The following ETV1 variants were observed in gnomAD, a reference collection of about 807,000 sequenced individuals.
ETV1 encodes ETS variant transcription factor 1, also known as ETS translocation variant 1.
Under a neutral mutation model 62.3 loss-of-function variants are expected in ETV1, and 27 were observed. The observed-to-expected ratio is 0.43, with a 90% CI of 0.32 to 0.60. The LOEUF is 0.60. Ranked by LOEUF, ETV1 falls within the 20% of genes least tolerant of loss-of-function variation. The pLI is 0.06. For missense variants in ETV1, 605 were observed against 605.8 expected, an observed-to-expected ratio of 1.00 and a Z score of 0.01; for synonymous variants, 222 against 199.6, an observed-to-expected ratio of 1.11 and a Z score of -0.94.
intron 6 of ETV1, among the ~76,000 whole-genome samples, chr7:13,956,294 A>G (rs1375532306): frequency 6.6e-6 from 1 of 151,974 alleles, no homozygotes; most frequent in Non-Finnish European, 1.5e-5. Context: ...AGTTGTTGAT[A>G]CAACCTCCCA....
chr7:13,950,635 C>A (rs1036831526), intron 6 of ETV1, among the ~76,000 whole-genome samples: 1 of 151,974 alleles, frequency 6.6e-6, no homozygotes, highest in African/African-American at 2.4e-5. Context: ...TTGGAGAATA[C>A]CATAACATCT....
At chr7:13,989,679 T>C (rs367619067), upstream of ETV1, 4 of 398,732 alleles carry the variant, frequency 1.0e-5, no homozygotes, top group Admixed American at 1.8e-4. Flanking sequence ...CAGAGCTCAA[T>C]TCGGTGGTTT....
chr7:13,989,798 G>C, upstream of ETV1: 1 of 392,046 alleles, frequency 2.6e-6, no homozygotes, highest in Admixed American at 4.4e-5. Flanking sequence ...CAATCAGGCG[G>C]CTTGCTGCCC....
chr7:13,940,345 G>C (rs1202550371), intron 6 of ETV1, among the ~76,000 whole-genome samples: 1 of 145,920 alleles, frequency 6.9e-6, no homozygotes, highest in Non-Finnish European at 1.5e-5. Flanking sequence ...CTGGGCAACA[G>C]AGCGAGACTC....
chr7:13,947,006 G>A (rs540651157), intron 6 of ETV1, among the ~76,000 whole-genome samples: 2 of 152,134 alleles, frequency 1.3e-5, no homozygotes, highest in Non-Finnish European at 2.9e-5. Context: ...GGCCAGGCTG[G>A]TCTCAAACTC....
intron 11 of ETV1, among the ~76,000 whole-genome samples, chr7:13,907,235 G>A (rs181637804): frequency 2.6e-5 from 4 of 151,974 alleles, no homozygotes; most frequent in African/African-American, 4.8e-5. Context: ...TTCCTTCACC[G>A]CATCATATAC....
intron 9 of ETV1, among the ~76,000 whole-genome samples, chr7:13,921,451 C>T (rs1784841595): frequency 6.6e-6 from 1 of 152,144 alleles, no homozygotes; most frequent in Non-Finnish European, 1.5e-5. Context: ...GCCATTTGTA[C>T]TTTGTTCCTT....
At chr7:13,953,599 T>G (rs1789069627) in intron 6 of ETV1, among the ~76,000 whole-genome samples, 1 of 151,588 alleles carries the variant, frequency 6.6e-6, no homozygotes, top group South Asian at 2.1e-4. Flanking sequence ...CTGCAGAATG[T>G]GCAGACACCA....
At chr7:13,941,623 C>A (rs1787513867) in intron 6 of ETV1, among the ~76,000 whole-genome samples, 1 of 152,122 alleles carries the variant, frequency 6.6e-6, no homozygotes. Flanking sequence ...GTAATCCCAG[C>A]TCTTTGGGAG....
chr7:13,967,678 A>G (rs192383765), intron 6 of ETV1, among the ~76,000 whole-genome samples: 1 of 152,234 alleles, frequency 6.6e-6, no homozygotes. Context: ...TCTTAAATAC[A>G]TGTTTATTAT....
At chr7:13,917,994 G>A (rs1049666935) in intron 9 of ETV1, among the ~76,000 whole-genome samples, 2 of 151,864 alleles carry the variant, frequency 1.3e-5, no homozygotes, top group African/African-American at 4.8e-5. Context: ...AAGAAAGTAT[G>A]ATACAGGATG....
intron 6 of ETV1, among the ~76,000 whole-genome samples, chr7:13,946,561 C>T (rs1788184679): frequency 6.6e-6 from 1 of 152,136 alleles, no homozygotes; most frequent in Non-Finnish European, 1.5e-5. Flanking sequence ...AACTATGACA[C>T]ATCATTGCTT....
At chr7:13,899,558 T>C (rs758840254) in intron 13 of ETV1, among the ~76,000 whole-genome samples, 1 of 152,152 alleles carries the variant, frequency 6.6e-6, no homozygotes, top group Non-Finnish European at 1.5e-5. Context: ...AAAACTATGG[T>C]GACATAAAAA....
At chr7:13,986,105 T>C (rs1199979337) in intron 5 of ETV1, 7 of 1,565,962 alleles carry the variant, frequency 4.5e-6, no homozygotes, top group African/African-American at 1.4e-5. Context: ...TCCTAAGCAT[T>C]AGATACACAC....
Position 13,931,587 on chromosome 7 carries a change from G to A in ETV1, c.717C>T (p.Asn239=). 6.2e-7 allele frequency: 1 copy of A among 1,614,060 alleles called. No homozygotes were observed. The highest frequency in any genetic ancestry group is 8.5e-7 in the Non-Finnish European group (1 of 1,179,904). Residue 239 remains asparagine (N), a synonymous_variant, in exon 9 of 14, where the codon AAC becomes AAT. Coordinates refer to ENST00000430479, the MANE Select transcript of ETV1 (RefSeq NM_004956.5). ...QEYHDPVYEH[N]TMVGSAASQS... ...GGCTGGCCGCACTGCCAACCATGGT[G>A]TTGTGTTCATACACTGGGTCGTGGT...
chr7:13,911,393 A>G, intron 9 of ETV1, 86 bp from the exon 10 acceptor site: 1 of 834,346 alleles, frequency 1.2e-6, no homozygotes, highest in Non-Finnish European at 2.0e-6. Context: ...CAGAGAAGAT[A>G]CAGAAACGGA....
intron 6 of ETV1, among the ~76,000 whole-genome samples, chr7:13,952,106 G>A: frequency 6.6e-6 from 1 of 152,162 alleles, no homozygotes; most frequent in East Asian, 1.9e-4. Flanking sequence ...TATCCCGACA[G>A]AAGGAAAAAG....
At chr7:13,898,307 C>T (rs944354022) in intron 13 of ETV1, among the ~76,000 whole-genome samples, 4 of 152,132 alleles carry the variant, frequency 2.6e-5, no homozygotes, top group African/African-American at 9.7e-5. Flanking sequence ...TAGAGCTGTG[C>T]TTTCAATGGC....
At chr7:13,954,435 C>T (rs1789183465) in intron 6 of ETV1, among the ~76,000 whole-genome samples, 2 of 152,178 alleles carry the variant, frequency 1.3e-5, no homozygotes, top group African/African-American at 4.8e-5. Context: ...AACTCCACAT[C>T]TATACAACAT....
Sources: gnomAD v4.1 joint callset for allele counts (sites outside exome capture counted in the v4.1 genomes callset) on GRCh38, gnomAD v4.1.1 for gene constraint, MANE v1.5 for transcripts, NCBI Gene and HGNC (gene_info 2026-07-23, HGNC 2026-07-21) for gene names.